BCL11A: variants seen among roughly 807,000 people sequenced by gnomAD.
The protein encoded by BCL11A is B cell CLL/lymphoma 11A.
BCL11A carries 2 observed loss-of-function variants against 55.9 expected under a neutral mutation model. The observed-to-expected ratio is 0.04, with a 90% CI of 0.01 to 0.11. The LOEUF (loss-of-function observed/expected upper bound fraction) is 0.11. Among genes scored for constraint, BCL11A ranks in the 10% least tolerant of loss-of-function variants. The pLI is 1.00. For synonymous variants in BCL11A, 465 were observed against 473.4 expected, an observed-to-expected ratio of 0.98 and a Z score of 0.23; for missense variants, 817 against 1,137.1, an observed-to-expected ratio of 0.72 and a Z score of 4.05.
chr2:60,530,743 C>G (rs1427809637), intron 2 of BCL11A, among the ~76,000 whole-genome samples: 2 of 151,558 alleles, frequency 1.3e-5, no homozygotes, highest in African/African-American at 4.8e-5. Context: ...GGCCCTGACA[C>G]GCTCTCATCT....
chr2:60,493,639 C>G (rs764339196), intron 2 of BCL11A, among the ~76,000 whole-genome samples: 1 of 152,130 alleles, frequency 6.6e-6, no homozygotes, highest in Non-Finnish European at 1.5e-5. Context: ...GTTCGGAGTC[C>G]TAAGAGCCCC....
intron 3 of BCL11A, among the ~76,000 whole-genome samples, chr2:60,465,453 G>A (rs1676548488): frequency 6.6e-6 from 1 of 152,186 alleles, no homozygotes; most frequent in Non-Finnish European, 1.5e-5. Context: ...AGGAACTTGA[G>A]ACATCAAAAG....
Position 60,553,387 on chromosome 2 carries a change from T to C in BCL11A, c.-117A>G. Reference sequence around the variant, plus strand: ...GGAGACTCCAGAGAAAATATCTTCATCAGTGCCTTTTGACATCCAAAATAA... The same window carrying C: ...GGAGACTCCAGAGAAAATATCTTCACCAGTGCCTTTTGACATCCAAAATAA... On this transcript the variant is annotated 5_prime_UTR_variant, in exon 1 of 4. The change abolishes an upstream ATG in the 5' untranslated region. Transcript: ENST00000642384. 2.0e-6 allele frequency: 2 copies of C among 1,010,368 alleles called. No homozygotes were observed. The highest frequency in any genetic ancestry group is 2.9e-6 in the Non-Finnish European group (2 of 694,276). 62.6% of individuals were successfully genotyped at this position (1,010,368 alleles called of 1,614,324 possible). A position where few individuals can be genotyped will look rare whatever the true frequency, so the allele number is the denominator to read the frequency against.
intron 2 of BCL11A, among the ~76,000 whole-genome samples, chr2:60,488,968 C>T (rs921115337): frequency 1.3e-5 from 2 of 152,274 alleles, no homozygotes; most frequent in African/African-American, 4.8e-5. Context: ...CCATGTTGGT[C>T]AGGCTGGTCT....
downstream of BCL11A, among the ~76,000 whole-genome samples, chr2:60,455,366 T>G (rs1675892143): frequency 6.6e-6 from 1 of 152,196 alleles, no homozygotes; most frequent in Non-Finnish European, 1.5e-5. Flanking sequence ...TTTTAAATTT[T>G]AGAGTTCTGG....
intron 2 of BCL11A, chr2:60,534,019 G>A (rs750885100): frequency 6.6e-6 from 1 of 152,176 alleles, no homozygotes; most frequent in Non-Finnish European, 1.5e-5. Context: ...CAGTTACACT[G>A]TTCTGATTCT....
chr2:60,462,557 A>C (rs1191772525), intron 3 of BCL11A, 133 bp from the exon 4 acceptor site: 1 of 1,409,684 alleles, frequency 7.1e-7, no homozygotes, highest in Non-Finnish European at 9.2e-7. Flanking sequence ...TCACTGACCT[A>C]CCCCCTGTGC....
chr2:60,462,068 G>T lies in BCL11A; in HGVS notation c.844C>A (p.Leu282Met), dbSNP rs1297389674. 1 of 1,590,240 alleles carries T rather than the reference G, an allele frequency of 6.3e-7. No individual in the cohort carries two copies. The highest frequency in any genetic ancestry group is 8.6e-7 in the Non-Finnish European group (1 of 1,168,408). The change falls in exon 4 of 4, where the codon CTG (leucine) becomes ATG (methionine). Residue 282 changes from leucine to methionine, a missense_variant. Leu to Met is a conservative substitution (Grantham distance 15, BLOSUM62 2). Coordinates refer to ENST00000642384, the MANE Select transcript of BCL11A (RefSeq NM_022893.4). ...HHLDPHRIER[L>M]GAEEMALATH... ...GCCAGGGCCATCTCTTCCGCCCCCA[G>T]GCGCTCTATGCGGTGGGGGTCCAAG...
Position 60,468,372 on chromosome 2 carries a change from G to A in BCL11A, c.487+360C>T, listed in dbSNP as rs139597153. Among the ~76,000 whole-genome samples the A allele has an allele frequency of 5.6e-4, 86 of 152,268 alleles. 1 individual carries two copies. Among genetic ancestry groups the A allele is most frequent in the African/African-American group, 2.0e-3 (84 of 41,538 alleles). ...GCCTTGGCTAAAGATGTGTGCCATG[G>A]ACTATACCCAAAGTCCTAAATGAGG... On this transcript the variant is annotated intron_variant, in intron 3 of 3. Coordinates refer to ENST00000642384, the MANE Select transcript of BCL11A (RefSeq NM_022893.4).
rs758939996 is a variant in BCL11A, at chr2:60,460,874, T to C, written c.2038A>G (p.Arg680Gly). Reference protein sequence around the residue: ...KDPFLSFGDSRQSPFASSSEH... With the variant: ...KDPFLSFGDSGQSPFASSSEH... ...GACGAGGAGGCAAAAGGCGATTGTCTGGAGTCTCCGAAGCTAAGGAAGGGA... is the reference window on the plus strand; with the variant it reads ...GACGAGGAGGCAAAAGGCGATTGTCCGGAGTCTCCGAAGCTAAGGAAGGGA... The change falls in exon 4 of 4, where the codon AGA becomes GGA. Residue 680 changes from arginine (R) to glycine (G), a missense_variant. By Grantham distance (125) the Arg-to-Gly change is moderately radical. Around this residue, in one of 4 missense-constraint regions of BCL11A, gnomAD observed 379 missense variants for 425.3 expected, o/e 0.89. Transcript: ENST00000642384. The C allele has an allele frequency of 1.2e-6, 2 of 1,613,300 alleles. No homozygotes were observed. The highest frequency in any genetic ancestry group is 1.7e-6 in the Non-Finnish European group (2 of 1,180,032).
At chr2:60,500,984 C>T (rs559949343) in intron 2 of BCL11A, among the ~76,000 whole-genome samples, 2 of 152,214 alleles carry the variant, frequency 1.3e-5, no homozygotes, top group South Asian at 2.1e-4. Context: ...ATTTCTGGGT[C>T]GCTGCATCCT....
upstream of BCL11A, chr2:60,553,854 G>A (rs1286906430): frequency 6.7e-6 from 1 of 148,218 alleles, no homozygotes; most frequent in East Asian, 2.0e-4. Context: ...CCGAGGGGAG[G>A]GGGCGCTGGG....
At chr2:60,487,305 A>G (rs528955550) in intron 2 of BCL11A, among the ~76,000 whole-genome samples, 1 of 152,340 alleles carries the variant, frequency 6.6e-6, no homozygotes, top group African/African-American at 2.4e-5. Context: ...CCCATGTTAC[A>G]TCTCCAGTCA....
Position 60,460,907 on chromosome 2 carries a change from G to C in BCL11A, c.2005C>G (p.Leu669Val). The part of the protein sequence containing the change: ...WLAGYAASRQ[L>V]KDPFLSFGDS... ...CCGAAGCTAAGGAAGGGATCTTTGA[G>C]CTGCCTGGAGGCCGCGTAGCCGGCG... Residue 669 changes from leucine to valine, a missense_variant, in exon 4 of 4, where the codon CTC becomes GTC. Around this residue, in one of 4 missense-constraint regions of BCL11A, gnomAD observed 379 missense variants for 425.3 expected, o/e 0.89. Coordinates refer to ENST00000642384, the MANE Select transcript of BCL11A (RefSeq NM_022893.4). The C allele has an allele frequency of 1.2e-6, 2 of 1,612,976 alleles. No individual in the cohort carries two copies. Among genetic ancestry groups the C allele is most frequent in the South Asian group, 1.1e-5 (1 of 91,092 alleles).
At chr2:60,472,955 T>C (rs1327932147) in intron 2 of BCL11A, among the ~76,000 whole-genome samples, 4 of 146,622 alleles carry the variant, frequency 2.7e-5, no homozygotes, top group Non-Finnish European at 6.2e-5. Context: ...CAGGAGTACA[T>C]AGATGTGTGC....
intron 3 of BCL11A, 108 bp downstream of exon 3, chr2:60,468,624 A>G: frequency 2.6e-6 from 2 of 779,222 alleles, no homozygotes; most frequent in South Asian, 3.1e-5. Flanking sequence ...ACATATGACA[A>G]TCTATTTTGG....
intron 2 of BCL11A, among the ~76,000 whole-genome samples, chr2:60,481,975 G>C: frequency 6.6e-6 from 1 of 152,180 alleles, no homozygotes; most frequent in Non-Finnish European, 1.5e-5. Context: ...GTCTGTTCTA[G>C]TCCTGCTGTC....
At chr2:60,551,012 G>A (rs1053086552) in intron 1 of BCL11A, 6 of 397,348 alleles carry the variant, frequency 1.5e-5, no homozygotes, top group Non-Finnish European at 2.7e-5. Flanking sequence ...GCCGGGGTGG[G>A]GGAGCTTCCG....
intron 2 of BCL11A, among the ~76,000 whole-genome samples, chr2:60,514,342 T>C (rs916853253): frequency 1.3e-5 from 2 of 152,048 alleles, no homozygotes; most frequent in African/African-American, 4.8e-5. Context: ...TCCCAAGACT[T>C]GGAGAACAAG....
Sources: allele counts gnomAD v4.1 joint callset (sites outside exome capture counted in the v4.1 genomes callset), GRCh38; gene constraint gnomAD v4.1.1; regional missense constraint gnomAD v4.1.1; transcripts MANE v1.5; gene names NCBI Gene and HGNC (gene_info 2026-07-23, HGNC 2026-07-21).